TTLL5: variants seen among roughly 807,000 people sequenced by gnomAD.
TTLL5 encodes the protein tubulin polyglutamylase TTLL5.
TTLL5 carries 132 observed loss-of-function variants against 168.4 expected under a neutral mutation model. The ratio of observed to expected loss-of-function variants is 0.78; its 90% CI spans 0.68 to 0.91. TTLL5 has a LOEUF of 0.91. Ranked by LOEUF, TTLL5 falls within the 40% of genes least tolerant of loss-of-function variation. TTLL5 has a pLI of 0.00. For missense variants in TTLL5, 1,545 were observed against 1,581.5 expected, an observed-to-expected ratio of 0.98 and a Z score of 0.39; for synonymous variants, 546 against 558.6, an observed-to-expected ratio of 0.98 and a Z score of 0.32.
At chr14:75,775,876 T>C (rs765995512) in intron 22 of TTLL5, among the ~76,000 whole-genome samples, 3 of 152,214 alleles carry the variant, frequency 2.0e-5, no homozygotes, top group Non-Finnish European at 4.4e-5. Context: ...AAAAGGCATA[T>C]TCCTTTTGAG....
At chr14:75,775,958 T>C (rs1329391895) in intron 22 of TTLL5, among the ~76,000 whole-genome samples, 1 of 152,200 alleles carries the variant, frequency 6.6e-6, no homozygotes, top group Non-Finnish European at 1.5e-5. Context: ...AAATTGACCA[T>C]TGGAGAACAA....
At chr14:75,786,351 A>ATC (rs1426940819) in intron 26 of TTLL5, among the ~76,000 whole-genome samples, 33 of 152,320 alleles carry the variant, frequency 2.2e-4, no homozygotes, top group African/African-American at 7.7e-4. Flanking sequence ...TTTCCAAGAG[A>ATC]ATGATAGTGA....
intron 15 of TTLL5, among the ~76,000 whole-genome samples, chr14:75,742,709 T>C (rs550158907): frequency 6.6e-6 from 1 of 152,392 alleles, no homozygotes; most frequent in South Asian, 2.1e-4. Flanking sequence ...CCAGTGGCTT[T>C]ATGATCAGAG....
intron 31 of TTLL5, among the ~76,000 whole-genome samples, chr14:75,913,873 G>T (rs1182472635): frequency 6.6e-6 from 1 of 151,350 alleles, no homozygotes; most frequent in Non-Finnish European, 1.5e-5. Context: ...AATTAGCTGG[G>T]CGTGGTGGCA....
intron 27 of TTLL5, among the ~76,000 whole-genome samples, chr14:75,795,594 AG>A (rs1224698976): frequency 6.6e-6 from 1 of 152,084 alleles, no homozygotes; most frequent in African/African-American, 2.4e-5. Context: ...CTTCCCCCCA[AG>A]TCCCCAAAGT....
Position 75,719,788 on chromosome 14 carries a change from T to C in TTLL5, c.896T>C (p.Met299Thr). 2 of 1,613,990 alleles carry C rather than the reference T, an allele frequency of 1.2e-6. No homozygotes were observed. The highest frequency in any genetic ancestry group is 1.7e-6 in the Non-Finnish European group (2 of 1,179,912). The change falls in exon 11 of 32, where the codon ATG (methionine) becomes ACG (threonine). Residue 299 changes from methionine to threonine, a missense_variant. Met to Thr is a moderately conservative substitution (Grantham distance 81). Transcript: ENST00000298832. ...DYGNKWSMSAMLRYLKQEGRD... is the reference protein window; with the variant it reads ...DYGNKWSMSATLRYLKQEGRD... ...GGAAACAAATGGAGCATGAGTGCTA[T>C]GCTTAGGTACCTGAAACAAGAAGGC...
intron 6 of TTLL5, among the ~76,000 whole-genome samples, chr14:75,692,010 A>G (rs1225999102): frequency 1.3e-5 from 2 of 152,226 alleles, no homozygotes; most frequent in East Asian, 3.8e-4. Flanking sequence ...TGGGTCACAT[A>G]GAGCACTAAT....
At position 75,774,358 on chromosome 14, in the gene TTLL5, A is replaced by G. The variant is rs935158336; in HGVS notation, c.2137-1126A>G. The stretch of plus-strand genomic sequence containing the variant: ...ATAACTTTCCACTGTGCCCTCCTTG[A>G]CAACCCCCAACTCTAAAAGCTCCCT... On this transcript the variant is annotated intron_variant, in intron 21 of 31. Transcript: ENST00000298832. Among the ~76,000 whole-genome samples the G allele has an allele frequency of 3.0e-4, 46 of 152,284 alleles. No homozygotes were observed. In the Middle Eastern group the frequency reaches 0.01, roughly 34 times the overall value.
At chr14:75,842,970 A>G (rs1202344492) in intron 28 of TTLL5, among the ~76,000 whole-genome samples, 1 of 152,190 alleles carries the variant, frequency 6.6e-6, no homozygotes, top group Non-Finnish European at 1.5e-5. Context: ...CATAGCAAAA[A>G]GAAGAAAGGT....
intron 27 of TTLL5, among the ~76,000 whole-genome samples, chr14:75,805,078 T>C (rs1388169442): frequency 3.3e-5 from 5 of 152,202 alleles, no homozygotes; most frequent in African/African-American, 9.6e-5. Flanking sequence ...CCCTACACAC[T>C]TGCTCTTGCA....
intron 23 of TTLL5, among the ~76,000 whole-genome samples, chr14:75,778,545 G>A (rs1050619187): frequency 2.6e-5 from 4 of 152,152 alleles, no homozygotes; most frequent in African/African-American, 9.7e-5. Context: ...TGGCTACTTT[G>A]AAGACTTTAG....
chr14:75,851,095 C>CA (rs35393032), intron 28 of TTLL5, among the ~76,000 whole-genome samples: 76,294 of 96,210 alleles, frequency 0.79, 29,866 homozygotes, highest in East Asian at 0.89. Flanking sequence ...GACCTTGTCT[C>CA]AAAAAAAAAA....
chr14:75,919,234 A>AG (rs2033737370), intron 31 of TTLL5, among the ~76,000 whole-genome samples: 1 of 151,038 alleles, frequency 6.6e-6, no homozygotes, highest in Non-Finnish European at 1.5e-5. Flanking sequence ...AAAAAGAAAA[A>AG]GAAAAGAAAA....
rs149176887 is a variant in TTLL5 at position 75,921,668 on chromosome 14, T to C, written c.3823+19444T>C. On this transcript the variant is annotated intron_variant, in intron 31 of 31. Coordinates refer to ENST00000298832, the MANE Select transcript of TTLL5 (RefSeq NM_015072.5). Reference sequence around the variant, plus strand: ...TGAAGTCAGGTAGTGCGATGCCTCCTAAGCTTTGCTCTTTTTGCTTAGGAT... The same window carrying C: ...TGAAGTCAGGTAGTGCGATGCCTCCCAAGCTTTGCTCTTTTTGCTTAGGAT... Among the ~76,000 whole-genome samples, 7 of 152,304 alleles carry C rather than the reference T, an allele frequency of 4.6e-5. No homozygotes were observed. In the East Asian group the frequency reaches 1.2e-3, roughly 25 times the overall value.
rs1012528703 is a variant in TTLL5, at chr14:75,801,637, C to A, written c.3171+8537C>A. On this transcript the variant is annotated intron_variant, in intron 27 of 31. Transcript: ENST00000298832. ...CCTCTGTATTTTGTGTTGCAAAGCT[C>A]AATTATAGGTTATTCAACCCTTTCC... 3.3e-5 allele frequency among the ~76,000 whole-genome samples: 5 copies of A among 152,168 alleles called. 1 individual carries two copies. The highest frequency in any genetic ancestry group is 3.3e-4 in the Admixed American group (5 of 15,286).
intron 14 of TTLL5, among the ~76,000 whole-genome samples, 194 bp downstream of exon 14, chr14:75,734,244 A>G (rs1401064610): frequency 6.6e-6 from 1 of 152,246 alleles, no homozygotes; most frequent in Non-Finnish European, 1.5e-5. Flanking sequence ...AGGCTGAACC[A>G]CAACTAAGGC....
rs777986363 is a variant in TTLL5, at chr14:75,764,709, C to G, written c.1645C>G (p.Leu549Val). Residue 549 changes from leucine (L) to valine (V), a missense_variant, in exon 19 of 32, where the codon CTG becomes GTG. Physicochemically the swap from Leu to Val is conservative, Grantham distance 32. Transcript: ENST00000298832. ...AALYERKLLSLEVRKRRRRSS... is the reference protein window; with the variant it reads ...AALYERKLLSVEVRKRRRRSS... ...ACTTTACGAGAGGAAGCTCCTGTCT[C>G]TGGAGGTGCGAAAACGTAGACGACG... is the stretch of plus-strand genomic sequence containing the variant. The G allele has an allele frequency of 3.7e-6, 6 of 1,614,160 alleles. No individual in the cohort carries two copies. Among genetic ancestry groups the G allele is most frequent in the Non-Finnish European group, 5.1e-6 (6 of 1,180,008 alleles).
intron 12 of TTLL5, among the ~76,000 whole-genome samples, chr14:75,730,296 A>G (rs542865436): frequency 1.3e-5 from 2 of 152,362 alleles, no homozygotes; most frequent in African/African-American, 2.4e-5. Flanking sequence ...CTAAAAGATT[A>G]CTGAAGATTA....
At chr14:75,670,396 A>G (rs950200500) in intron 3 of TTLL5, among the ~76,000 whole-genome samples, 1 of 152,044 alleles carries the variant, frequency 6.6e-6, no homozygotes, top group East Asian at 1.9e-4. Context: ...GTTCACGGAA[A>G]AGTCGTTTGG....
Sources: gnomAD v4.1 joint callset for allele counts (sites outside exome capture counted in the v4.1 genomes callset) on GRCh38, gnomAD v4.1.1 for gene constraint, MANE v1.5 for transcripts, NCBI Gene and HGNC (gene_info 2026-07-23, HGNC 2026-07-21) for gene names.